Variants in CERS5 observed in about 807,000 individuals in gnomAD.
The protein encoded by CERS5 is ceramide synthase 5.
In CERS5, 37 loss-of-function variants were observed where a neutral mutation model predicts 58.9. The ratio of observed to expected loss-of-function variants is 0.63; its 90% CI spans 0.48 to 0.83. CERS5 has a LOEUF of 0.83. Ranked by LOEUF, CERS5 falls within the 40% of genes least tolerant of loss-of-function variation. The pLI, the probability that CERS5 is intolerant of heterozygous loss-of-function variation, is 0.00. For synonymous variants in CERS5, 147 were observed against 177.8 expected (o/e 0.83, Z 1.38); for missense variants, 398 against 489.3 (o/e 0.81, Z 1.76).
At position 50,134,699 on chromosome 12, in the gene CERS5, A is replaced by T. The variant is rs140120197; in HGVS notation, c.876T>A (p.Ile292=). Residue 292 remains isoleucine, a synonymous_variant, in exon 9 of 10, where the codon ATT becomes ATA. Coordinates refer to ENST00000317551, the MANE Select transcript of CERS5 (RefSeq NM_147190.5). ...AACTCTCAAAGAGGGTCGTGTTCAG[A>T]ATCCTAGAAGAGGGAGGCCAATAGT... The part of the protein sequence containing the change: ...VTRLGIYPFW[I]LNTTLFESWE... 1.1e-5 allele frequency: 17 copies of T among 1,612,914 alleles called. No homozygotes were observed. Among genetic ancestry groups the T allele is most frequent in the African/African-American group, 2.7e-5 (2 of 74,836 alleles).
chr12:50,148,279 T>G (rs1056856385), intron 1 of CERS5, among the ~76,000 whole-genome samples: 1 of 151,568 alleles, frequency 6.6e-6, no homozygotes, highest in African/African-American at 2.4e-5. Context: ...CTTCAGCCTG[T>G]GTGATAGAGC....
In CERS5 at chr12:50,142,098, T is replaced by C. The variant is rs1952003773; in HGVS notation, c.447A>G (p.Thr149=). The C allele has an allele frequency of 6.2e-7, 1 of 1,604,470 alleles. No individual in the cohort carries two copies. Among genetic ancestry groups the C allele is most frequent in the African/African-American group, 1.3e-5 (1 of 74,522 alleles). The change falls in exon 4 of 10, where the codon ACA becomes ACG. Residue 149 remains threonine (T), a synonymous_variant. Transcript: ENST00000317551. ...TKFCESMWRF[T]FYLCIFCYGI... is the part of the protein sequence containing the mutation. ...CATAGCAGAATATACATAAATAAAA[T>C]GTGAATCTCCACCTGGGTGGGCAAA... is the stretch of plus-strand genomic sequence containing the variant.
chr12:50,140,283 A>ATTTTTT (rs1404662241), intron 4 of CERS5, among the ~76,000 whole-genome samples: 1 of 97,250 alleles, frequency 1.0e-5, no homozygotes, highest in African/African-American at 5.1e-5. Flanking sequence ...TTAACTTCCA[A>ATTTTTT]ATTTTTTTTT....
chr12:50,159,961 A>C (rs562060940), intron 1 of CERS5, among the ~76,000 whole-genome samples: 130 of 152,262 alleles, frequency 8.5e-4, no homozygotes, highest in African/African-American at 3.1e-3. Context: ...AATGTTGACA[A>C]TGTATTTTGT....
chr12:50,134,736 G>A, intron 8 of CERS5, 34 bp from the exon 9 acceptor site: 1 of 1,591,148 alleles, frequency 6.3e-7, no homozygotes, highest in Non-Finnish European at 8.6e-7. Flanking sequence ...AGATTCTAGA[G>A]TCAAAGCTCA....
At position 50,143,849 on chromosome 12, in the gene CERS5, C is replaced by T. The variant is rs375455199; in HGVS notation, c.303+103G>A. 1.0e-4 allele frequency: 76 copies of T among 734,280 alleles called. No individual in the cohort carries two copies. In the African/African-American group the frequency reaches 1.2e-3, roughly 12 times the overall value. The allele number at this position is 734,280 out of a possible 1,614,324, so 45.5% of individuals were successfully genotyped here. On this transcript the variant is annotated intron_variant, in intron 2 of 9. Transcript: ENST00000317551. Reference sequence around the variant, plus strand: ...GGACTACTCAAATATGAAGGACCATCCCATCCTATCCTTACCCTTAGAGGT... The same window carrying T: ...GGACTACTCAAATATGAAGGACCATTCCATCCTATCCTTACCCTTAGAGGT...
chr12:50,136,462 G>A (rs1951704273), intron 6 of CERS5, among the ~76,000 whole-genome samples: 1 of 125,284 alleles, frequency 8.0e-6, no homozygotes, highest in African/African-American at 3.4e-5. Flanking sequence ...GACAGACTGA[G>A]ATTCCGTCTC....
intron 1 of CERS5, among the ~76,000 whole-genome samples, chr12:50,161,776 C>CAAAAAAAAAAAAAAAA (rs1491484435): frequency 4.2e-5 from 1 of 23,672 alleles, no homozygotes; most frequent in Non-Finnish European, 6.8e-5. Context: ...GACTCCGTCT[C>CAAAAAAAAAAAAAAAA]AAAAAAAGAA....
At chr12:50,130,822 G>A (rs1451271367) in intron 9 of CERS5, 128 bp from the exon 10 acceptor site, 4 of 743,382 alleles carry the variant, frequency 5.4e-6, no homozygotes, top group Non-Finnish European at 8.4e-6. Flanking sequence ...ACTCAAAGAA[G>A]TATTGTCTGG....
chr12:50,150,927 A>G (rs1937890420), intron 1 of CERS5, among the ~76,000 whole-genome samples: 1 of 152,188 alleles, frequency 6.6e-6, no homozygotes, highest in Admixed American at 6.6e-5. Flanking sequence ...TGGCATCAGA[A>G]TCACTCAATC....
rs2277355 is a variant in CERS5, at chr12:50,143,277, C to G, written c.304-73G>C. 0.3 allele frequency: 466,634 copies of G among 1,556,198 alleles called. 77,977 individuals carry two copies. Among genetic ancestry groups the G allele is most frequent in the East Asian group, 0.78 (34,335 of 44,044 alleles). ...CCTTCAATCCCATTGACTAGCTGAG[C>G]GACAAGGTATGATAGCCATAAGTGG... is the stretch of plus-strand genomic sequence containing the variant. On this transcript the variant is annotated intron_variant, in intron 2 of 9. Coordinates refer to ENST00000317551, the MANE Select transcript of CERS5 (RefSeq NM_147190.5).
At chr12:50,165,245 C>T (rs886522384) in intron 1 of CERS5, 1 of 152,080 alleles carries the variant, frequency 6.6e-6, no homozygotes, top group African/African-American at 2.4e-5. Flanking sequence ...CGGTGAATCC[C>T]CGTCTCTACT....
rs1464059884 is a variant in CERS5, at chr12:50,138,357, T to TG, written c.543+209dup. On this transcript the variant is annotated intron_variant, in intron 5 of 9. Coordinates refer to ENST00000317551, the MANE Select transcript of CERS5 (RefSeq NM_147190.5). ...AAAAACTCATTGGATTTCATTGCTATGGGGGCCTCAGGAATAGATACCTCA... is the reference window on the plus strand; with the variant it reads ...AAAAACTCATTGGATTTCATTGCTATGGGGGGCCTCAGGAATAGATACCTCA... Among the ~76,000 whole-genome samples the TG allele has an allele frequency of 6.6e-5, 10 of 150,622 alleles. 1 individual carries two copies. Among genetic ancestry groups the TG allele is most frequent in the Non-Finnish European group, 1.3e-4 (9 of 67,822 alleles).
chr12:50,138,327 GAAC>G (rs971922559), intron 5 of CERS5, among the ~76,000 whole-genome samples: 85 of 150,720 alleles, frequency 5.6e-4, no homozygotes, highest in African/African-American at 1.7e-3. Context: ...GGGAAAATCA[GAAC>G]AAAAAACTCA....
Position 50,140,284 on chromosome 12 carries a change from A to ATTTTTTTTTTTTT in CERS5, c.493-1680_493-1668dup, listed in dbSNP as rs57651378. ...TTGAGAAGAGTTGTTTAACTTCCAAATTTTTTTTTTTTTTTTTTTTTTTTT... is the reference window on the plus strand; with the variant it reads ...TTGAGAAGAGTTGTTTAACTTCCAAATTTTTTTTTTTTTTTTTTTTTTTTTTTTTTTTTTTTTT... On this transcript the variant is annotated intron_variant, in intron 4 of 9. Coordinates refer to ENST00000317551, the MANE Select transcript of CERS5 (RefSeq NM_147190.5). Among the ~76,000 whole-genome samples the ATTTTTTTTTTTTT allele has an allele frequency of 3.7e-4, 36 of 96,244 alleles. 2 individuals are homozygous for ATTTTTTTTTTTTT. The highest frequency in any genetic ancestry group is 1.4e-3 in the African/African-American group (32 of 22,346). 63.1% of individuals were successfully genotyped at this position (96,244 alleles called of 152,430 possible).
chr12:50,143,114 G>T lies in CERS5; in HGVS notation c.394C>A (p.Gln132Lys), dbSNP rs1165841115. Residue 132 changes from glutamine (Q) to lysine (K), a missense_variant, in exon 3 of 10, where the codon CAG becomes AAG. Gln to Lys is a moderately conservative substitution (Grantham distance 53). This residue lies in a region of CERS5 where 328 missense variants were observed against 384.5 expected (regional missense o/e 0.85). Transcript: ENST00000317551. ...IQCWFRHRRN[Q>K]DKPPTLTKFC... Reference sequence around the variant, plus strand: ...TTAGTAAGCGTTGGGGGCTTGTCCTGATTCCTCCGATGGCGAAACCAGCAT... The same window carrying T: ...TTAGTAAGCGTTGGGGGCTTGTCCTTATTCCTCCGATGGCGAAACCAGCAT... The T allele has an allele frequency of 3.7e-6, 6 of 1,613,718 alleles. No homozygotes were observed. The highest frequency in any genetic ancestry group is 4.2e-6 in the Non-Finnish European group (5 of 1,179,880).
At chr12:50,135,862 A>T in intron 7 of CERS5, 24 bp from the exon 8 acceptor site, 4 of 1,604,660 alleles carry the variant, frequency 2.5e-6, no homozygotes, top group Non-Finnish European at 3.4e-6. Context: ...GAAAGAATTG[A>T]GCTGGGGAGA....
Position 50,133,238 on chromosome 12 carries a change from A to G in CERS5, c.1029+1308T>C, listed in dbSNP as rs144699305. ...TGGTCCTAGTATCAGTACCTGCTCA[A>G]GCAGAGCCCCTCCCACTTGGGATTC... On this transcript the variant is annotated intron_variant, in intron 9 of 9. Transcript: ENST00000317551. 283 of 1,087,112 alleles carry G rather than the reference A, an allele frequency of 2.6e-4. No homozygotes were observed. In the Middle Eastern group the frequency reaches 2.7e-3, roughly 10 times the overall value. The allele number at this position is 1,087,112 out of a possible 1,614,324, so 67.3% of individuals were successfully genotyped here.
intron 4 of CERS5, among the ~76,000 whole-genome samples, chr12:50,140,211 T>C (rs1951891276): frequency 6.6e-6 from 1 of 151,772 alleles, no homozygotes; most frequent in Admixed American, 6.6e-5. Flanking sequence ...CATGATTCAA[T>C]TAAAAATATT....
Sources: gnomAD v4.1 joint callset for allele counts (sites outside exome capture counted in the v4.1 genomes callset) on GRCh38, gnomAD v4.1.1 for gene constraint, gnomAD v4.1.1 regional missense constraint, MANE v1.5 for transcripts, NCBI Gene and HGNC (gene_info 2026-07-23, HGNC 2026-07-21) for gene names.